The following DRAM1 variants were observed in gnomAD, a reference collection of about 807,000 sequenced individuals.
DRAM1 encodes the protein DNA damage-regulated autophagy modulator protein 1.
A neutral mutation model predicts 28.5 loss-of-function variants in DRAM1; 25 were observed. That is an observed-to-expected ratio of 0.88 (90% CI 0.64 to 1.23). The LOEUF (loss-of-function observed/expected upper bound fraction) is 1.23. Ranked by LOEUF, DRAM1 falls within the 50% of genes most tolerant of loss-of-function variation. DRAM1 has a pLI of 0.00. For synonymous variants in DRAM1, 113 were observed against 114.2 expected (o/e 0.99, Z 0.07); for missense variants, 249 against 299.2 (o/e 0.83, Z 1.24).
intron 5 of DRAM1, among the ~76,000 whole-genome samples, chr12:101,919,334 G>T (rs1289292611): frequency 6.6e-6 from 1 of 151,196 alleles, no homozygotes; most frequent in Non-Finnish European, 1.5e-5. Flanking sequence ...CCCTTTGAAA[G>T]CAACACTAGT....
At chr12:101,900,270 A>AT in intron 2 of DRAM1, among the ~76,000 whole-genome samples, 1 of 152,366 alleles carries the variant, frequency 6.6e-6, no homozygotes, top group Admixed American at 6.5e-5. Flanking sequence ...AAACTATGCA[A>AT]TAATTAAATT....
intron 1 of DRAM1, among the ~76,000 whole-genome samples, chr12:101,882,107 ATTTTTTT>A (rs78402038): frequency 6.0e-4 from 78 of 129,584 alleles, no homozygotes; most frequent in African/African-American, 1.4e-3. Context: ...TGATGGTCTA[ATTTTTTT>A]TTTTTTTTTT....
At chr12:101,909,048 G>A (rs1873937118) in intron 4 of DRAM1, among the ~76,000 whole-genome samples, 1 of 151,914 alleles carries the variant, frequency 6.6e-6, no homozygotes, top group Non-Finnish European at 1.5e-5. Context: ...GATCACCTGA[G>A]GTTGAGAGTT....
At chr12:101,885,525 C>CTT (rs11342964) in intron 1 of DRAM1, among the ~76,000 whole-genome samples, 14 of 96,406 alleles carry the variant, frequency 1.5e-4, no homozygotes, top group Admixed American at 2.4e-4. Flanking sequence ...TCCCACTGGA[C>CTT]TTTTTTTTTT....
intron 1 of DRAM1, chr12:101,890,033 A>G (rs752833211): frequency 2.2e-6 from 1 of 453,222 alleles, no homozygotes; most frequent in Non-Finnish European, 4.4e-6. Context: ...TGTAGTTGCC[A>G]AGGAAGTGTT....
At chr12:101,920,290 GCA>G in intron 6 of DRAM1, 89 bp downstream of exon 6, 1 of 344,692 alleles carries the variant, frequency 2.9e-6, no homozygotes, top group Non-Finnish European at 4.1e-6. Flanking sequence ...TTTAAAAAGA[GCA>G]CTTTCTTTTT....
chr12:101,902,771 A>C lies in DRAM1; in HGVS notation c.342+1338A>C, dbSNP rs1873652802. ...AACTTCCCAAGGAGCAAAGTGTTTG[A>C]CTTGTCATTGTTCCGATAACTGTAT... is the stretch of plus-strand genomic sequence containing the variant. On this transcript the variant is annotated intron_variant, in intron 3 of 6. Coordinates refer to ENST00000258534, the MANE Select transcript of DRAM1 (RefSeq NM_018370.3). Among the ~76,000 whole-genome samples, 9 of 152,210 alleles carry C rather than the reference A, an allele frequency of 5.9e-5. 1 individual carries two copies. Among genetic ancestry groups the C allele is most frequent in the Admixed American group, 5.9e-4 (9 of 15,276 alleles).
At chr12:101,889,593 T>C (rs1873025339) in intron 1 of DRAM1, among the ~76,000 whole-genome samples, 1 of 152,320 alleles carries the variant, frequency 6.6e-6, no homozygotes, top group Non-Finnish European at 1.5e-5. Context: ...CTTGGCTTCC[T>C]TGTTTACTCT....
intron 3 of DRAM1, among the ~76,000 whole-genome samples, chr12:101,905,939 G>A (rs934585647): frequency 2.0e-5 from 3 of 152,026 alleles, no homozygotes; most frequent in Non-Finnish European, 2.9e-5. Context: ...ACAGGCACGC[G>A]CCACCACGCC....
At chr12:101,904,426 GGTTT>G (rs1873720427) in intron 3 of DRAM1, among the ~76,000 whole-genome samples, 4 of 39,148 alleles carry the variant, frequency 1.0e-4, no homozygotes, top group East Asian at 2.0e-3. Flanking sequence ...GAGCTTTAGG[GGTTT>G]TTTTTTTTTT....
chr12:101,909,766 GCTTTTTCTTTCC>G (rs1873970766), intron 4 of DRAM1, among the ~76,000 whole-genome samples: 1 of 152,156 alleles, frequency 6.6e-6, no homozygotes, highest in Non-Finnish European at 1.5e-5. Flanking sequence ...GGAAACGAAA[GCTTTTTCTTTCC>G]CTTTTTCTTT....
chr12:101,897,774 CAG>C (rs1234057958), intron 1 of DRAM1, 87 bp from the exon 2 acceptor site: 5 of 889,954 alleles, frequency 5.6e-6, no homozygotes, highest in African/African-American at 5.2e-5. Flanking sequence ...CTAAAAGAAA[CAG>C]AATATAAAAC....
chr12:101,918,506 T>G (rs1874342791), intron 5 of DRAM1, among the ~76,000 whole-genome samples: 1 of 152,136 alleles, frequency 6.6e-6, no homozygotes, highest in South Asian at 2.1e-4. Context: ...ATGAAAACAG[T>G]GGGTGAGTGT....
chr12:101,878,416 A>T (rs1872574297), intron 1 of DRAM1, among the ~76,000 whole-genome samples: 1 of 152,184 alleles, frequency 6.6e-6, no homozygotes, highest in Non-Finnish European at 1.5e-5. Context: ...CTGATGTCAC[A>T]CTAGTTAATG....
At chr12:101,887,037 C>T (rs749392761) in intron 1 of DRAM1, among the ~76,000 whole-genome samples, 21 of 150,656 alleles carry the variant, frequency 1.4e-4, no homozygotes, top group Non-Finnish European at 2.2e-4. Flanking sequence ...CCCAGCTACT[C>T]GGGAGGCTGA....
intron 4 of DRAM1, among the ~76,000 whole-genome samples, chr12:101,911,426 G>A (rs75330155): frequency 0.019 from 2,947 of 152,212 alleles, 84 homozygotes; most frequent in African/African-American, 0.066. Context: ...GAAAGCCTTC[G>A]CAGAACTCAC....
intron 1 of DRAM1, among the ~76,000 whole-genome samples, chr12:101,878,331 G>C (rs1280181067): frequency 6.6e-6 from 1 of 152,208 alleles, no homozygotes; most frequent in Non-Finnish European, 1.5e-5. Context: ...AACATCCCTT[G>C]AAGTGGATGT....
intron 5 of DRAM1, among the ~76,000 whole-genome samples, chr12:101,919,067 G>A (rs541318812): frequency 2.6e-4 from 40 of 151,892 alleles, no homozygotes; most frequent in African/African-American, 8.5e-4. Flanking sequence ...GACTGCAGGC[G>A]CAGGCCACCC....
At chr12:101,902,202 G>A (rs1190522153) in intron 3 of DRAM1, among the ~76,000 whole-genome samples, 2 of 152,084 alleles carry the variant, frequency 1.3e-5, no homozygotes, top group African/African-American at 4.8e-5. Flanking sequence ...AAATTTTCCT[G>A]TGACACATGT....
Sources: gnomAD v4.1 joint callset for allele counts (sites outside exome capture counted in the v4.1 genomes callset) on GRCh38, gnomAD v4.1.1 for gene constraint, MANE v1.5 for transcripts, NCBI Gene and HGNC (gene_info 2026-07-23, HGNC 2026-07-21) for gene names.